Variants in ADGB observed in about 807,000 individuals in gnomAD.
The protein encoded by ADGB is calpain-7-like protein.
ADGB carries 172 observed loss-of-function variants against 210.5 expected under a neutral mutation model. That is an observed-to-expected ratio of 0.82 (90% CI 0.72 to 0.93). The LOEUF (loss-of-function observed/expected upper bound fraction) is 0.93. ADGB is among the 40% of genes least tolerant of loss of function. The pLI, the probability that ADGB is intolerant of heterozygous loss-of-function variation, is 0.00. For missense variants in ADGB, 2,025 were observed against 1,964.8 expected (o/e 1.03, Z -0.58); for synonymous variants, 658 against 662.7 (o/e 0.99, Z 0.11).
chr6:146,672,410 C>T lies in ADGB; in HGVS notation c.1030C>T (p.Pro344Ser), dbSNP rs368206081. 4.6e-5 allele frequency: 72 copies of T among 1,551,046 alleles called. No individual in the cohort carries two copies. The highest frequency in any genetic ancestry group is 5.8e-5 in the Non-Finnish European group (66 of 1,146,792). The stretch of plus-strand genomic sequence containing the variant: ...AGTAAAAGACGTGAAGGAATTCAAA[C>T]CTGAAAGTTCTTTGACAACACTAAA... ...KEVKDVKEFK[P>S]ESSLTTLKAP... is the part of the protein sequence containing the mutation. Residue 344 changes from proline (P) to serine (S), a missense_variant, in exon 8 of 36, where the codon CCT becomes TCT. By Grantham distance (74) the Pro-to-Ser change is moderately conservative (BLOSUM62 -1). Transcript: ENST00000397944.
intron 33 of ADGB, among the ~76,000 whole-genome samples, chr6:146,795,796 A>T (rs2114658991): frequency 6.6e-6 from 1 of 152,258 alleles, no homozygotes; most frequent in South Asian, 2.1e-4. Flanking sequence ...CATGCATGTG[A>T]ATGTTCATTG....
intron 3 of ADGB, among the ~76,000 whole-genome samples, chr6:146,645,524 A>G (rs923188047): frequency 6.6e-6 from 1 of 152,014 alleles, no homozygotes; most frequent in Non-Finnish European, 1.5e-5. Context: ...TCTTCCTTGA[A>G]TCTGCTATTA....
At chr6:146,746,484 A>G (rs1777239875) in intron 26 of ADGB, among the ~76,000 whole-genome samples, 2 of 152,180 alleles carry the variant, frequency 1.3e-5, no homozygotes, top group African/African-American at 2.4e-5. Context: ...TTCTCCTTAA[A>G]TAGCCTAATC....
At chr6:146,780,591 T>C (rs1437786578) in intron 29 of ADGB, among the ~76,000 whole-genome samples, 2 of 151,928 alleles carry the variant, frequency 1.3e-5, no homozygotes, top group Non-Finnish European at 2.9e-5. Context: ...AAAATGTTAA[T>C]AGAGACAAAA....
intron 1 of ADGB, among the ~76,000 whole-genome samples, chr6:146,613,748 C>G (rs888998484): frequency 1.3e-5 from 2 of 152,012 alleles, no homozygotes; most frequent in African/African-American, 4.8e-5. Context: ...CTTGTGCATT[C>G]TTTATTGTAT....
intron 35 of ADGB, among the ~76,000 whole-genome samples, chr6:146,813,185 C>T (rs1242277363): frequency 6.6e-6 from 1 of 152,118 alleles, no homozygotes; most frequent in East Asian, 1.9e-4. Context: ...TATTTTTTCT[C>T]TTGCGGTAAT....
At chr6:146,696,881 G>T (rs796254152) in intron 12 of ADGB, among the ~76,000 whole-genome samples, 1 of 152,098 alleles carries the variant, frequency 6.6e-6, no homozygotes, top group Non-Finnish European at 1.5e-5. Context: ...TAATTATGCT[G>T]ATGGGAAAAT....
At chr6:146,619,062 T>C (rs1274335782) in intron 1 of ADGB, among the ~76,000 whole-genome samples, 2 of 152,078 alleles carry the variant, frequency 1.3e-5, no homozygotes, top group Non-Finnish European at 2.9e-5. Context: ...ATTTTTACAA[T>C]TGCTACATCC....
intron 17 of ADGB, among the ~76,000 whole-genome samples, chr6:146,721,786 C>T (rs12660946): frequency 0.14 from 20,648 of 152,068 alleles, 1,675 homozygotes; most frequent in Middle Eastern, 0.27. Context: ...TGCAGTGAGC[C>T]GAGATCGCGC....
chr6:146,630,304 T>G (rs1781042368), intron 1 of ADGB, among the ~76,000 whole-genome samples: 1 of 151,866 alleles, frequency 6.6e-6, no homozygotes, highest in African/African-American at 2.4e-5. Flanking sequence ...ATGCTTGTAG[T>G]CCTAAATACT....
chr6:146,647,508 A>G (rs1775637166), intron 3 of ADGB, among the ~76,000 whole-genome samples: 1 of 152,152 alleles, frequency 6.6e-6, no homozygotes, highest in Admixed American at 6.6e-5. Flanking sequence ...CATAATTTTT[A>G]GTAACTACAT....
chr6:146,706,845 G>GTT (rs34520729), intron 13 of ADGB, among the ~76,000 whole-genome samples: 21,555 of 99,992 alleles, frequency 0.22, 2,271 homozygotes, highest in Non-Finnish European at 0.23. Flanking sequence ...TCAGCTTAGT[G>GTT]TTTTTTTTTT....
intron 1 of ADGB, among the ~76,000 whole-genome samples, chr6:146,617,529 A>G (rs1231904626): frequency 6.6e-6 from 1 of 152,068 alleles, no homozygotes; most frequent in African/African-American, 2.4e-5. Context: ...TATTAGAGGA[A>G]AGGCTTTCAA....
chr6:146,812,843 G>A (rs1163428575), intron 35 of ADGB, among the ~76,000 whole-genome samples: 2 of 152,198 alleles, frequency 1.3e-5, no homozygotes, highest in Non-Finnish European at 2.9e-5. Flanking sequence ...CTTGGACAGT[G>A]AAGCTTTTTG....
At chr6:146,678,869 A>G (rs1776120465) in intron 9 of ADGB, among the ~76,000 whole-genome samples, 1 of 152,190 alleles carries the variant, frequency 6.6e-6, no homozygotes. Flanking sequence ...AATGATTCTA[A>G]TGTCATATAT....
chr6:146,679,760 A>AC (rs1776131981), intron 9 of ADGB, among the ~76,000 whole-genome samples: 1 of 152,216 alleles, frequency 6.6e-6, no homozygotes, highest in African/African-American at 2.4e-5. Context: ...TCTCTAAATA[A>AC]CTACATTGAA....
chr6:146,673,543 T>G (rs1298257340), intron 8 of ADGB, among the ~76,000 whole-genome samples: 1 of 152,222 alleles, frequency 6.6e-6, no homozygotes, highest in Non-Finnish European at 1.5e-5. Context: ...ATATGCTAAT[T>G]ATTATTCCAC....
Position 146,784,156 on chromosome 6 carries a change from A to C in ADGB, c.4036-462A>C, listed in dbSNP as rs1293900785. Reference sequence around the variant, plus strand: ...TTCCCGAGTTTATGGAAATAATCTCAAACTTCTTTGCATTCAATTTTCTAA... The same window carrying C: ...TTCCCGAGTTTATGGAAATAATCTCCAACTTCTTTGCATTCAATTTTCTAA... On this transcript the variant is annotated intron_variant, in intron 30 of 35. Transcript: ENST00000397944. Among the ~76,000 whole-genome samples, 3 of 152,176 alleles carry C rather than the reference A, an allele frequency of 2.0e-5. 1 individual carries two copies. The South Asian group carries it at 6.2e-4, about 31-fold the overall frequency.
intron 1 of ADGB, among the ~76,000 whole-genome samples, chr6:146,610,235 C>T (rs987315706): frequency 3.9e-5 from 6 of 152,156 alleles, no homozygotes; most frequent in Non-Finnish European, 5.9e-5. Context: ...TTTCAGCTCT[C>T]GAATCATTTT....
Sources: allele counts gnomAD v4.1 joint callset (sites outside exome capture counted in the v4.1 genomes callset), GRCh38; gene constraint gnomAD v4.1.1; transcripts MANE v1.5; gene names NCBI Gene and HGNC (gene_info 2026-07-23, HGNC 2026-07-21).